Variants in PTPRD observed in about 807,000 individuals in gnomAD.
PTPRD encodes receptor-type tyrosine-protein phosphatase delta.
PTPRD carries 34 observed loss-of-function variants against 214.5 expected under a neutral mutation model. The observed-to-expected ratio is 0.16, with a 90% CI of 0.12 to 0.21. The LOEUF (loss-of-function observed/expected upper bound fraction) is 0.21, where lower values mean the gene tolerates loss of function less well. PTPRD is among the 10% of genes least tolerant of loss of function. The pLI is 1.00. For missense variants in PTPRD, 2,545 were observed against 2,398.7 expected (o/e 1.06, Z -1.27); for synonymous variants, 1,128 against 845.7 (o/e 1.33, Z -5.79).
At chr9:9,299,081 G>A (rs1308957696) in intron 9 of PTPRD, among the ~76,000 whole-genome samples, 1 of 151,716 alleles carries the variant, frequency 6.6e-6, no homozygotes, top group Non-Finnish European at 1.5e-5. Flanking sequence ...ATTGGCAGAT[G>A]AAGATTATGG....
chr9:10,425,668 T>C (rs1251396604), intron 2 of PTPRD, among the ~76,000 whole-genome samples: 1 of 151,992 alleles, frequency 6.6e-6, no homozygotes, highest in Non-Finnish European at 1.5e-5. Flanking sequence ...TCTGTTGAGA[T>C]GTTCATCAGA....
intron 7 of PTPRD, among the ~76,000 whole-genome samples, chr9:9,680,884 T>G (rs904185987): frequency 6.6e-6 from 1 of 151,852 alleles, no homozygotes; most frequent in Non-Finnish European, 1.5e-5. Flanking sequence ...CTTACTGTTA[T>G]GAGCATTAAT....
At chr9:10,078,053 T>C (rs145500648) in intron 3 of PTPRD, among the ~76,000 whole-genome samples, 281 of 152,054 alleles carry the variant, frequency 1.8e-3, no homozygotes, top group African/African-American at 6.5e-3. Flanking sequence ...TACAGACAAG[T>C]GGCTGGAGAT....
chr9:9,021,997 G>C (rs957303827), intron 10 of PTPRD, among the ~76,000 whole-genome samples: 8 of 151,802 alleles, frequency 5.3e-5, no homozygotes, highest in African/African-American at 1.9e-4. Context: ...AGGGGAGGGA[G>C]AACATTAAGA....
intron 2 of PTPRD, among the ~76,000 whole-genome samples, chr9:10,446,738 A>C (rs950150128): frequency 2.6e-5 from 4 of 152,130 alleles, no homozygotes; most frequent in South Asian, 2.1e-4. Context: ...AAACCTCAGG[A>C]GACTTTTGCA....
intron 3 of PTPRD, among the ~76,000 whole-genome samples, chr9:10,178,753 T>A (rs1165759675): frequency 1.3e-5 from 2 of 151,980 alleles, no homozygotes; most frequent in Non-Finnish European, 2.9e-5. Context: ...CTGTGCATTA[T>A]AGGATGTTTA....
chr9:10,325,075 C>T (rs566769856), intron 3 of PTPRD, among the ~76,000 whole-genome samples: 1 of 152,140 alleles, frequency 6.6e-6, no homozygotes, highest in Admixed American at 6.6e-5. Context: ...CTCTAGGTTT[C>T]ACCTCCTCCC....
chr9:10,420,655 A>G (rs149493970), intron 2 of PTPRD, among the ~76,000 whole-genome samples: 5 of 152,040 alleles, frequency 3.3e-5, no homozygotes, highest in East Asian at 3.9e-4. Flanking sequence ...CGAATTCTCA[A>G]CTGAACTCCT....
At chr9:10,158,525 C>A (rs1158785039) in intron 3 of PTPRD, among the ~76,000 whole-genome samples, 1 of 152,124 alleles carries the variant, frequency 6.6e-6, no homozygotes, top group Non-Finnish European at 1.5e-5. Context: ...AGCAAGCTAG[C>A]TTCACTGCCA....
At chr9:8,553,911 G>A (rs140022768) in intron 14 of PTPRD, among the ~76,000 whole-genome samples, 7 of 152,278 alleles carry the variant, frequency 4.6e-5, no homozygotes, top group African/African-American at 9.6e-5. Flanking sequence ...CAGATTAGCC[G>A]GGCGCGGTGG....
At chr9:10,044,871 C>A (rs978461883) in intron 3 of PTPRD, among the ~76,000 whole-genome samples, 1 of 151,718 alleles carries the variant, frequency 6.6e-6, no homozygotes, top group Non-Finnish European at 1.5e-5. Context: ...ATCCATTACA[C>A]TGACATTTTG....
At chr9:9,545,172 T>C (rs1227379442) in intron 8 of PTPRD, among the ~76,000 whole-genome samples, 1 of 151,748 alleles carries the variant, frequency 6.6e-6, no homozygotes, top group Non-Finnish European at 1.5e-5. Flanking sequence ...TTGTTTACCT[T>C]AGGGTTCACT....
chr9:10,380,782 A>C (rs1009483687), intron 2 of PTPRD, among the ~76,000 whole-genome samples: 2 of 35,170 alleles, frequency 5.7e-5, no homozygotes, highest in Admixed American at 2.5e-4. Flanking sequence ...TAAATATCAC[A>C]ACAATTTCCA....
chr9:10,235,362 T>C (rs921027725), intron 3 of PTPRD, among the ~76,000 whole-genome samples: 1 of 151,946 alleles, frequency 6.6e-6, no homozygotes, highest in African/African-American at 2.4e-5. Context: ...AAAACAATCA[T>C]CACTGTGTTC....
chr9:10,059,072 G>A (rs532479674), intron 3 of PTPRD, among the ~76,000 whole-genome samples: 3 of 152,216 alleles, frequency 2.0e-5, no homozygotes, highest in Non-Finnish European at 2.9e-5. Flanking sequence ...CATGAAAGTG[G>A]ATCAGTGAGA....
rs1030951429 is a variant in PTPRD at position 9,808,884 on chromosome 9, A to G, written c.-367-42033T>C. ...ACTCCTGGGCTCAAGCTATCTTCCC[A>G]CCTTACCTCCTGAGCATCTAAGCCT... On this transcript the variant is annotated intron_variant, in intron 5 of 45. Transcript: ENST00000381196. 2.0e-5 allele frequency among the ~76,000 whole-genome samples: 3 copies of G among 151,412 alleles called. No homozygotes were observed. In the South Asian group the frequency reaches 6.2e-4, roughly 32 times the overall value.
intron 11 of PTPRD, among the ~76,000 whole-genome samples, chr9:8,888,145 C>T (rs1245000984): frequency 6.6e-6 from 1 of 152,120 alleles, no homozygotes; most frequent in African/African-American, 2.4e-5. Flanking sequence ...CACTCCATGA[C>T]ATACACAAAA....
intron 2 of PTPRD, among the ~76,000 whole-genome samples, chr9:10,499,514 C>T (rs2043042992): frequency 1.3e-5 from 2 of 151,882 alleles, no homozygotes; most frequent in African/African-American, 2.4e-5. Context: ...GTTTGTGAGG[C>T]TGCTGTCAAA....
intron 10 of PTPRD, among the ~76,000 whole-genome samples, chr9:9,178,707 A>C (rs928383378): frequency 1.3e-5 from 2 of 152,110 alleles, no homozygotes; most frequent in Non-Finnish European, 2.9e-5. Flanking sequence ...TTGTTTCTAC[A>C]TTGAATTGCT....
Sources: allele counts gnomAD v4.1 joint callset (sites outside exome capture counted in the v4.1 genomes callset), GRCh38; gene constraint gnomAD v4.1.1; transcripts MANE v1.5; gene names NCBI Gene and HGNC (gene_info 2026-07-23, HGNC 2026-07-21).